VOPP1: variants seen among roughly 807,000 people sequenced by gnomAD.
VOPP1 encodes VOPP1 WW domain binding protein.
VOPP1 carries 8 observed loss-of-function variants against 23.5 expected under a neutral mutation model. The observed-to-expected ratio is 0.34, with a 90% confidence interval of 0.20 to 0.61. The LOEUF (loss-of-function observed/expected upper bound fraction) is 0.61. Among genes scored for constraint, VOPP1 ranks in the 20% least tolerant of loss-of-function variants. VOPP1 has a pLI of 0.78. For synonymous variants in VOPP1, 83 were observed against 97.3 expected, an observed-to-expected ratio of 0.85 and a Z score of 0.86; for missense variants, 174 against 238.1, an observed-to-expected ratio of 0.73 and a Z score of 1.77.
Position 55,572,265 on chromosome 7 carries a change from C to A in VOPP1, c.54+6G>T. 1 of 1,525,712 alleles carries A rather than the reference C, an allele frequency of 6.6e-7. No individual in the cohort carries two copies. The highest frequency in any genetic ancestry group is 8.7e-7 in the Non-Finnish European group (1 of 1,146,732). The allele number at this position is 1,525,712 out of a possible 1,614,324, so 94.5% of individuals were successfully genotyped here. A position where few individuals can be genotyped will look rare whatever the true frequency, so the allele number is the denominator to read the frequency against. On this transcript the variant is annotated splice_donor_region_variant and intron_variant, in intron 1 of 4. Transcript: ENST00000285279. ...CCTCCGGCAGCACCCGGTCCCCGGC[C>A]CCTACCTCCAAGAGCAGCCCGAGCA...
intron 4 of VOPP1, among the ~76,000 whole-genome samples, chr7:55,491,126 G>A (rs558622424): frequency 1.3e-5 from 2 of 152,300 alleles, no homozygotes; most frequent in African/African-American, 4.8e-5. Context: ...TTTAAAGACA[G>A]GGGCACATCC....
rs1386859620 is a variant in VOPP1 at position 55,497,622 on chromosome 7, C to T, written c.182G>A (p.Trp61Ter). ...CVRALSIQRL[W>*]YFWFLLMMGV... ...AGGAGTTGTGACCTACCAGAAGTAC[C>T]ACAGCCTCTGTATGGAGAGGGCCCG... is the stretch of plus-strand genomic sequence containing the variant. The change falls in exon 3 of 5, where the codon TGG becomes TAG. Residue 61 changes from tryptophan to a stop codon, truncating the protein, a stop_gained. Coordinates refer to ENST00000285279, the MANE Select transcript of VOPP1 (RefSeq NM_030796.5). LOFTEE classifies it high-confidence loss of function. 2.5e-5 allele frequency: 41 copies of T among 1,611,738 alleles called. No individual in the cohort carries two copies. The highest frequency in any genetic ancestry group is 3.5e-5 in the Non-Finnish European group (41 of 1,179,288).
chr7:55,536,478 G>A (rs1394854931), intron 1 of VOPP1, among the ~76,000 whole-genome samples: 3 of 152,104 alleles, frequency 2.0e-5, no homozygotes, highest in African/African-American at 7.2e-5. Context: ...GCAGTGAGCC[G>A]AGATTGCACC....
rs1798309524 is a variant in VOPP1, at chr7:55,570,466, GAACTCCTA to G, written c.54+1797_54+1804del. Among the ~76,000 whole-genome samples the G allele has an allele frequency of 5.9e-5, 9 of 152,234 alleles. No individual in the cohort carries two copies. The South Asian group carries it at 1.9e-3, about 32-fold the overall frequency. The stretch of plus-strand genomic sequence containing the variant: ...CGTTTCAACTTTGCAGACATGATCT[GAACTCCTA>G]TTAAGAGGATACATTCCTATGCAAC... On this transcript the variant is annotated intron_variant, in intron 1 of 4. Transcript: ENST00000285279.
chr7:55,515,934 A>AC (rs1272202779), intron 2 of VOPP1: 1 of 983,058 alleles, frequency 1.0e-6, no homozygotes, highest in African/African-American at 1.8e-5. Context: ...GTCAGTTCCT[A>AC]CCTTTATCTT....
chr7:55,566,793 A>C (rs1798177463), intron 1 of VOPP1, among the ~76,000 whole-genome samples: 1 of 152,204 alleles, frequency 6.6e-6, no homozygotes, highest in South Asian at 2.1e-4. Flanking sequence ...ATCCAGTCCA[A>C]AATTTTCAAA....
At chr7:55,492,248 G>T (rs1478723884) in intron 4 of VOPP1, 34 bp downstream of exon 4, 2 of 1,590,624 alleles carry the variant, frequency 1.3e-6, no homozygotes, top group Non-Finnish European at 1.7e-6. Context: ...GACACACACT[G>T]TGGGGAGGAG....
intron 4 of VOPP1, among the ~76,000 whole-genome samples, chr7:55,458,255 G>T (rs1457331178): frequency 6.6e-6 from 1 of 151,934 alleles, no homozygotes; most frequent in African/African-American, 2.4e-5. Context: ...TTTATTTCTG[G>T]GTTTTCTATT....
chr7:55,466,358 A>G (rs1433889265), downstream of VOPP1, among the ~76,000 whole-genome samples: 1 of 152,228 alleles, frequency 6.6e-6, no homozygotes, highest in East Asian at 1.9e-4. Flanking sequence ...AAAACTTCAG[A>G]GTCAAAATGG....
Position 55,508,800 on chromosome 7 carries a change from C to T in VOPP1, c.114-11110G>A, listed in dbSNP as rs145798569. ...TCTCTGGAAGGTGTTTTTCATTTTC[C>T]ATACTAAAGTGAAAAACAGAAGTCT... On this transcript the variant is annotated intron_variant, in intron 2 of 4. Transcript: ENST00000285279. Among the ~76,000 whole-genome samples, 116 of 152,242 alleles carry T rather than the reference C, an allele frequency of 7.6e-4. No individual in the cohort carries two copies. In the East Asian group the frequency reaches 0.02, roughly 27 times the overall value.
chr7:55,486,227 G>T (rs761966710), intron 4 of VOPP1, among the ~76,000 whole-genome samples: 24 of 152,358 alleles, frequency 1.6e-4, no homozygotes, highest in Admixed American at 3.3e-4. Context: ...GTAACAACAG[G>T]AATTGCCTAC....
At chr7:55,491,513 G>C (rs532789253) in intron 4 of VOPP1, among the ~76,000 whole-genome samples, 1 of 152,116 alleles carries the variant, frequency 6.6e-6, no homozygotes, top group Non-Finnish European at 1.5e-5. Flanking sequence ...CTCTACACCT[G>C]GCCAGAAGAC....
chr7:55,569,518 C>T (rs1300299995), intron 1 of VOPP1, among the ~76,000 whole-genome samples: 2 of 152,142 alleles, frequency 1.3e-5, no homozygotes, highest in East Asian at 3.8e-4. Context: ...ACACTGGAAC[C>T]AGACTGCCTG....
At chr7:55,478,883 G>A (rs1460529752) in intron 4 of VOPP1, among the ~76,000 whole-genome samples, 1 of 152,192 alleles carries the variant, frequency 6.6e-6, no homozygotes, top group East Asian at 1.9e-4. Flanking sequence ...CCTTCCAGTG[G>A]ACACTGTTGC....
chr7:55,445,202 TACACACACACACAGACACACACACACAG>T (rs771942315), intron 4 of VOPP1, among the ~76,000 whole-genome samples: 20 of 144,038 alleles, frequency 1.4e-4, no homozygotes, highest in African/African-American at 4.8e-4. Flanking sequence ...TCACTTTCTC[TACACACACACACAGACACACACACACAG>T]ACACACACAC....
chr7:55,557,781 C>G (rs907884620), intron 1 of VOPP1, among the ~76,000 whole-genome samples: 1 of 152,196 alleles, frequency 6.6e-6, no homozygotes, highest in Non-Finnish European at 1.5e-5. Flanking sequence ...AGGGCAGGAC[C>G]GTCCGCAGAG....
chr7:55,473,409 C>T (rs967379530), intron 4 of VOPP1, among the ~76,000 whole-genome samples: 2 of 152,196 alleles, frequency 1.3e-5, no homozygotes, highest in African/African-American at 2.4e-5. Context: ...CTCCACAACC[C>T]CTCTGGGCAC....
At chr7:55,517,031 T>C (rs1452190513) in intron 2 of VOPP1, among the ~76,000 whole-genome samples, 1 of 139,228 alleles carries the variant, frequency 7.2e-6, no homozygotes, top group African/African-American at 2.6e-5. Context: ...CCTCTGTCTC[T>C]GGGGCTCAAG....
At chr7:55,496,789 C>G (rs1583918596) in intron 3 of VOPP1, among the ~76,000 whole-genome samples, 1 of 152,198 alleles carries the variant, frequency 6.6e-6, no homozygotes, top group East Asian at 1.9e-4. Context: ...CTCAAAAGGT[C>G]AGTAAAGTCA....
Sources: allele counts gnomAD v4.1 joint callset (sites outside exome capture counted in the v4.1 genomes callset), GRCh38; gene constraint gnomAD v4.1.1; transcripts MANE v1.5; gene names NCBI Gene and HGNC (gene_info 2026-07-23, HGNC 2026-07-21).